Variants in TENM4 observed in about 807,000 individuals in gnomAD.
The protein encoded by TENM4 is teneurin-4.
In TENM4, 82 loss-of-function variants were observed where a neutral mutation model predicts 243.3. The ratio of observed to expected loss-of-function variants is 0.34; its 90% CI spans 0.28 to 0.40. The LOEUF is 0.40. Ranked by LOEUF, TENM4 falls within the 10% of genes least tolerant of loss-of-function variation. The pLI is 1.00. For missense variants in TENM4, 3,138 were observed against 3,673.3 expected, an observed-to-expected ratio of 0.85 and a Z score of 3.77; for synonymous variants, 1,412 against 1,456.3, an observed-to-expected ratio of 0.97 and a Z score of 0.69.
At chr11:78,986,215 A>C (rs12295080) in intron 6 of TENM4, among the ~76,000 whole-genome samples, 6,652 of 152,242 alleles carry the variant, frequency 0.044, 442 homozygotes, top group African/African-American at 0.14. Context: ...GAGATTTCTG[A>C]AAGTTCTATA....
chr11:79,171,666 G>T (rs976973587), intron 3 of TENM4, among the ~76,000 whole-genome samples: 2 of 152,098 alleles, frequency 1.3e-5, no homozygotes, highest in Admixed American at 6.6e-5. Flanking sequence ...TCAGACAGGG[G>T]GATTGGTTGA....
At chr11:78,967,614 G>A (rs1478074035) in intron 6 of TENM4, among the ~76,000 whole-genome samples, 1 of 152,308 alleles carries the variant, frequency 6.6e-6, no homozygotes, top group African/African-American at 2.4e-5. Context: ...TGCTTTTTGG[G>A]TGGGGCTCAG....
intron 26 of TENM4, among the ~76,000 whole-genome samples, chr11:78,708,872 CTG>C (rs897520491): frequency 1.3e-5 from 2 of 151,988 alleles, no homozygotes; most frequent in Non-Finnish European, 2.9e-5. Flanking sequence ...AATATTAACA[CTG>C]TGAATTATTT....
chr11:79,425,638 C>T (rs1002602170), intron 1 of TENM4, among the ~76,000 whole-genome samples: 11 of 152,202 alleles, frequency 7.2e-5, no homozygotes, highest in African/African-American at 2.7e-4. Flanking sequence ...TTGCTGTGCT[C>T]AGCACACAGT....
chr11:79,095,661 G>T (rs1008645211), intron 4 of TENM4, among the ~76,000 whole-genome samples: 4 of 152,160 alleles, frequency 2.6e-5, no homozygotes, highest in Admixed American at 2.6e-4. Context: ...TACCAGGAAG[G>T]AAGCAGACTC....
rs1396181254 is a variant in TENM4, at chr11:79,272,352, GA to G, written c.-265+25135del. 2.6e-5 allele frequency among the ~76,000 whole-genome samples: 4 copies of G among 151,608 alleles called. No homozygotes were observed. The East Asian group carries it at 5.8e-4, about 22-fold the overall frequency. On this transcript the variant is annotated intron_variant, in intron 2 of 33. Transcript: ENST00000278550. ...AGTAGCCACATTTAAAAAGCAAAAA[GA>G]AAAAAATGACAACAATTTTAATGAT...
chr11:78,855,896 T>C, intron 11 of TENM4, 68 bp downstream of exon 11: 1 of 1,474,892 alleles, frequency 6.8e-7, no homozygotes, highest in Non-Finnish European at 9.2e-7. Flanking sequence ...ATTGGGCTTC[T>C]TAACTTTGGG....
At chr11:79,176,016 C>A (rs1239929435) in intron 3 of TENM4, among the ~76,000 whole-genome samples, 1 of 152,138 alleles carries the variant, frequency 6.6e-6, no homozygotes, top group Non-Finnish European at 1.5e-5. Flanking sequence ...CACCTGAGCC[C>A]AGGAGGTCGA....
intron 2 of TENM4, among the ~76,000 whole-genome samples, chr11:79,226,503 G>A (rs1443087412): frequency 1.3e-5 from 2 of 152,220 alleles, no homozygotes; most frequent in African/African-American, 4.8e-5. Context: ...GAAGAATGTG[G>A]CTGGATAACA....
chr11:78,672,370 C>A, intron 30 of TENM4, 41 bp from the exon 31 acceptor site: 1 of 1,579,482 alleles, frequency 6.3e-7, no homozygotes, highest in South Asian at 1.2e-5. Flanking sequence ...TTAATCTGGA[C>A]CATGAGAACT....
At chr11:78,823,221 C>A (rs1049099928) in intron 12 of TENM4, among the ~76,000 whole-genome samples, 1 of 152,204 alleles carries the variant, frequency 6.6e-6, no homozygotes, top group Non-Finnish European at 1.5e-5. Flanking sequence ...TCCCTCCACC[C>A]TTAACCCACA....
intron 6 of TENM4, among the ~76,000 whole-genome samples, chr11:79,001,609 G>T (rs138732341): frequency 7.9e-5 from 12 of 152,324 alleles, no homozygotes; most frequent in African/African-American, 2.6e-4. Flanking sequence ...CACGGCCAGG[G>T]ATGGCCATTC....
At chr11:78,781,138 C>G (rs907740930) in intron 16 of TENM4, among the ~76,000 whole-genome samples, 1 of 152,214 alleles carries the variant, frequency 6.6e-6, no homozygotes, top group African/African-American at 2.4e-5. Context: ...GAAGTCCATA[C>G]TGTGGTTGCT....
intron 6 of TENM4, among the ~76,000 whole-genome samples, chr11:79,037,307 A>T (rs1370897107): frequency 1.3e-5 from 2 of 152,200 alleles, no homozygotes; most frequent in African/African-American, 2.4e-5. Flanking sequence ...ACAGTTCTTA[A>T]ACCACAGCCC....
At chr11:79,123,187 T>C (rs1861779363) in intron 4 of TENM4, among the ~76,000 whole-genome samples, 2 of 152,302 alleles carry the variant, frequency 1.3e-5, no homozygotes, top group South Asian at 2.1e-4. Context: ...ATGTATCTTA[T>C]GCTTACATAG....
intron 4 of TENM4, among the ~76,000 whole-genome samples, chr11:79,104,418 T>A (rs113476686): frequency 1.8e-4 from 27 of 152,352 alleles, no homozygotes; most frequent in African/African-American, 6.5e-4. Context: ...CTACGTATGC[T>A]CATACGATCA....
At chr11:78,894,660 T>A (rs1426364538) in intron 7 of TENM4, among the ~76,000 whole-genome samples, 1 of 152,146 alleles carries the variant, frequency 6.6e-6, no homozygotes, top group Non-Finnish European at 1.5e-5. Flanking sequence ...ATTATTTAGA[T>A]CTCTCTGGAA....
At position 79,274,174 on chromosome 11, in the gene TENM4, A is replaced by C. The variant is rs186164873; in HGVS notation, c.-265+23314T>G. 2.6e-5 allele frequency among the ~76,000 whole-genome samples: 4 copies of C among 152,346 alleles called. 1 individual carries two copies. The highest frequency in any genetic ancestry group is 2.6e-4 in the Admixed American group (4 of 15,308). On this transcript the variant is annotated intron_variant, in intron 2 of 33. Coordinates refer to ENST00000278550, the MANE Select transcript of TENM4 (RefSeq NM_001098816.3). Reference sequence around the variant, plus strand: ...TTACCCAAGCTTGTAGGTGCCTGCAACATAAACATCAAATGTAAACACCTA... The same window carrying C: ...TTACCCAAGCTTGTAGGTGCCTGCACCATAAACATCAAATGTAAACACCTA...
At chr11:79,001,266 T>C (rs915479834) in intron 6 of TENM4, among the ~76,000 whole-genome samples, 6 of 152,112 alleles carry the variant, frequency 3.9e-5, no homozygotes, top group Admixed American at 2.6e-4. Context: ...GGAAGACTGA[T>C]ACATTCTAAG....
Sources: allele counts gnomAD v4.1 joint callset (sites outside exome capture counted in the v4.1 genomes callset), GRCh38; gene constraint gnomAD v4.1.1; transcripts MANE v1.5; gene names NCBI Gene and HGNC (gene_info 2026-07-23, HGNC 2026-07-21).